EPHA6: variants seen among roughly 807,000 people sequenced by gnomAD.
The protein encoded by EPHA6 is ephrin type-A receptor 6.
EPHA6 carries 50 observed loss-of-function variants against 112.0 expected under a neutral mutation model. That is an observed-to-expected ratio of 0.45 (90% CI 0.36 to 0.56). The LOEUF is 0.56. EPHA6 is among the 20% of genes least tolerant of loss of function. The pLI, the probability that EPHA6 is intolerant of heterozygous loss-of-function variation, is 0.00. For missense variants in EPHA6, 1,280 were observed against 1,417.4 expected (o/e 0.90, Z 1.56); for synonymous variants, 529 against 490.7 (o/e 1.08, Z -1.03).
intron 1 of EPHA6, among the ~76,000 whole-genome samples, chr3:96,834,502 G>A (rs909114803): frequency 2.0e-5 from 3 of 151,978 alleles, no homozygotes; most frequent in African/African-American, 4.8e-5. Context: ...AGCTCAAGAC[G>A]TCGGAGTTGC....
chr3:97,006,670 C>T (rs2043892485), intron 3 of EPHA6, among the ~76,000 whole-genome samples: 1 of 151,948 alleles, frequency 6.6e-6, no homozygotes, highest in African/African-American at 2.4e-5. Flanking sequence ...TTTGCTCTTG[C>T]CTCTCTAGCT....
chr3:97,282,256 T>C (rs1361664086), intron 5 of EPHA6, among the ~76,000 whole-genome samples: 1 of 152,132 alleles, frequency 6.6e-6, no homozygotes, highest in Admixed American at 6.6e-5. Flanking sequence ...AGACTGACAA[T>C]GTCAGAGAAA....
In EPHA6 at chr3:97,748,549, C is replaced by T. The variant is rs201484837; in HGVS notation, c.3279-38C>T. ...TCTCTCTCTCTCTCTTTCTTGCTCT[C>T]ACTCTCGCTCTCACTCTTGCTCTCT... is the stretch of plus-strand genomic sequence containing the variant. On this transcript the variant is annotated intron_variant, in intron 17 of 17. Transcript: ENST00000389672. 312 of 994,956 alleles carry T rather than the reference C, an allele frequency of 3.1e-4. 1 individual carries two copies. In the African/African-American group the frequency reaches 4.7e-3, roughly 15 times the overall value. The allele number at this position is 994,956 out of a possible 1,614,324, so 61.6% of individuals were successfully genotyped here.
At chr3:97,474,999 G>A (rs1408501778) in intron 7 of EPHA6, among the ~76,000 whole-genome samples, 1 of 152,058 alleles carries the variant, frequency 6.6e-6, no homozygotes, top group East Asian at 1.9e-4. Context: ...CAGTGTTTAA[G>A]AGGAAATACA....
chr3:97,289,969 G>A (rs973126842), intron 5 of EPHA6, among the ~76,000 whole-genome samples: 4 of 151,842 alleles, frequency 2.6e-5, no homozygotes, highest in East Asian at 1.9e-4. Context: ...AGTTCTGCAC[G>A]GATTTTAGTT....
intron 5 of EPHA6, among the ~76,000 whole-genome samples, chr3:97,348,685 TTAAA>T (rs1290471763): frequency 6.6e-6 from 1 of 152,060 alleles, no homozygotes; most frequent in African/African-American, 2.4e-5. Flanking sequence ...AGGTAAAATA[TTAAA>T]TATATTAATA....
At chr3:97,224,580 A>C (rs1297034826) in intron 3 of EPHA6, among the ~76,000 whole-genome samples, 1 of 152,198 alleles carries the variant, frequency 6.6e-6, no homozygotes, top group Non-Finnish European at 1.5e-5. Context: ...AGAAGAAAAC[A>C]ATATGCTTAT....
chr3:97,135,914 A>G (rs1576550012), intron 3 of EPHA6, among the ~76,000 whole-genome samples: 1 of 152,028 alleles, frequency 6.6e-6, no homozygotes, highest in South Asian at 2.1e-4. Flanking sequence ...CAAGCAAGCT[A>G]TGAGTGGTAA....
chr3:96,981,388 C>G (rs879106836), intron 2 of EPHA6, among the ~76,000 whole-genome samples: 1 of 152,084 alleles, frequency 6.6e-6, no homozygotes, highest in Non-Finnish European at 1.5e-5. Flanking sequence ...CCTTACATCC[C>G]AGGGATGAAG....
intron 10 of EPHA6, among the ~76,000 whole-genome samples, chr3:97,485,359 A>G (rs139957755): frequency 6.6e-6 from 1 of 152,340 alleles, no homozygotes; most frequent in East Asian, 1.9e-4. Context: ...AACCAACTAC[A>G]GGGCACACCT....
At chr3:97,725,920 G>A (rs2034748677) in intron 15 of EPHA6, among the ~76,000 whole-genome samples, 1 of 152,064 alleles carries the variant, frequency 6.6e-6, no homozygotes, top group Admixed American at 6.6e-5. Context: ...TCTTAGGCAA[G>A]TTGTTTAAGC....
chr3:96,881,875 C>T (rs905742605), intron 2 of EPHA6, among the ~76,000 whole-genome samples: 11 of 152,204 alleles, frequency 7.2e-5, no homozygotes, highest in African/African-American at 2.4e-4. Flanking sequence ...TCCAGCAGGG[C>T]AGTCAAATCT....
In EPHA6 at chr3:97,323,872, C is replaced by G. The variant is rs1264575617; in HGVS notation, c.1606+79585C>G. ...GAAACAGAGCTGAGAAACAACGTAG[C>G]AACTGAAAATTACTTATTAAAATAA... On this transcript the variant is annotated intron_variant, in intron 5 of 17. Coordinates refer to ENST00000389672, the MANE Select transcript of EPHA6 (RefSeq NM_001080448.3). Among the ~76,000 whole-genome samples, 3 of 151,816 alleles carry G rather than the reference C, an allele frequency of 2.0e-5. 1 individual carries two copies. Among genetic ancestry groups the G allele is most frequent in the African/African-American group, 7.3e-5 (3 of 41,278 alleles).
intron 3 of EPHA6, among the ~76,000 whole-genome samples, chr3:97,016,768 A>G (rs1311309631): frequency 1.3e-5 from 2 of 152,226 alleles, no homozygotes; most frequent in South Asian, 2.1e-4. Flanking sequence ...TTGTCTCTTT[A>G]TGTTGGTTAA....
At chr3:97,051,810 G>A (rs2045693170) in intron 3 of EPHA6, among the ~76,000 whole-genome samples, 1 of 151,964 alleles carries the variant, frequency 6.6e-6, no homozygotes, top group African/African-American at 2.4e-5. Flanking sequence ...CCAGATTGCA[G>A]CCTGGACACT....
chr3:97,180,077 G>A (rs978165864), intron 3 of EPHA6, among the ~76,000 whole-genome samples: 1 of 152,016 alleles, frequency 6.6e-6, no homozygotes, highest in Non-Finnish European at 1.5e-5. Context: ...TGTTCTATAA[G>A]TGCATCTAAG....
At chr3:97,117,295 G>T (rs1376698287) in intron 3 of EPHA6, among the ~76,000 whole-genome samples, 1 of 151,478 alleles carries the variant, frequency 6.6e-6, no homozygotes, top group East Asian at 1.9e-4. Flanking sequence ...TCTGTTGATT[G>T]CTTCCTTTGC....
intron 3 of EPHA6, among the ~76,000 whole-genome samples, chr3:97,111,267 A>G (rs568960962): frequency 9.7e-4 from 148 of 152,282 alleles, no homozygotes; most frequent in African/African-American, 3.4e-3. Context: ...TCTTCATTGC[A>G]TATTATAAAA....
At chr3:96,982,926 T>C (rs998395099) in intron 2 of EPHA6, among the ~76,000 whole-genome samples, 2 of 152,210 alleles carry the variant, frequency 1.3e-5, no homozygotes, top group Non-Finnish European at 2.9e-5. Flanking sequence ...CCTCCATCCT[T>C]TTATTTTGAG....
Sources: allele counts gnomAD v4.1 joint callset (sites outside exome capture counted in the v4.1 genomes callset), GRCh38; gene constraint gnomAD v4.1.1; transcripts MANE v1.5; gene names NCBI Gene and HGNC (gene_info 2026-07-23, HGNC 2026-07-21).